CDC14A: variants seen among roughly 807,000 people sequenced by gnomAD.
CDC14A encodes dual specificity protein phosphatase CDC14A.
In CDC14A, 53 loss-of-function variants were observed where a neutral mutation model predicts 74.4. The ratio of observed to expected loss-of-function variants is 0.71; its 90% CI spans 0.57 to 0.89. The LOEUF (loss-of-function observed/expected upper bound fraction) is 0.89. Among genes scored for constraint, CDC14A ranks in the 40% least tolerant of loss-of-function variants. The pLI, the probability that CDC14A is intolerant of heterozygous loss-of-function variation, is 0.00. For missense variants in CDC14A, 646 were observed against 713.7 expected, an observed-to-expected ratio of 0.91 and a Z score of 1.08; for synonymous variants, 247 against 258.4, an observed-to-expected ratio of 0.96 and a Z score of 0.43.
At chr1:100,465,630 A>G (rs562236852) in intron 9 of CDC14A, among the ~76,000 whole-genome samples, 6 of 152,366 alleles carry the variant, frequency 3.9e-5, no homozygotes, top group African/African-American at 1.4e-4. Context: ...AAGGGAATGA[A>G]TATGTCATGC....
In CDC14A at chr1:100,352,854, GAC is replaced by G; in HGVS notation, c.-100_-99del. 6.3e-7 allele frequency: 1 copy of G among 1,591,836 alleles called. No homozygotes were observed. Among genetic ancestry groups the G allele is most frequent in the East Asian group, 2.3e-5 (1 of 44,122 alleles). ...TCCCTCGGCCAGGCTTGTTGTTCGG[GAC>G]TGTGAGCTTCCTGGCTCCTGGGCAG... On this transcript the variant is annotated 5_prime_UTR_variant, in exon 1 of 16. The change abolishes the stop of an existing upstream ORF in the 5' untranslated region. Transcript: ENST00000336454.
rs146294547 is a variant in CDC14A, at chr1:100,423,530, T to C, written c.310-692T>C. On this transcript the variant is annotated intron_variant, in intron 4 of 15. Transcript: ENST00000336454. ...AGGGAGGTGCCAGTACCTGATACAGTGCCTGGCATATACTATATACTCAGT... is the reference window on the plus strand; with the variant it reads ...AGGGAGGTGCCAGTACCTGATACAGCGCCTGGCATATACTATATACTCAGT... Among the ~76,000 whole-genome samples the C allele has an allele frequency of 3.1e-3, 470 of 152,310 alleles. 4 individuals carry two copies. Among genetic ancestry groups the C allele is most frequent in the African/African-American group, 0.011 (443 of 41,564 alleles).
chr1:100,406,914 G>A (rs1387054962), intron 4 of CDC14A, among the ~76,000 whole-genome samples: 4 of 148,746 alleles, frequency 2.7e-5, no homozygotes, highest in South Asian at 4.2e-4. Context: ...CAACAAGAGC[G>A]AAACTCTGTC....
At chr1:100,511,001 A>G (rs1191511660) in intron 15 of CDC14A, among the ~76,000 whole-genome samples, 1 of 152,214 alleles carries the variant, frequency 6.6e-6, no homozygotes, top group Non-Finnish European at 1.5e-5. Flanking sequence ...CTCAAAGTTT[A>G]TCTGCATCTG....
At position 100,398,939 on chromosome 1, in the gene CDC14A, C is replaced by A. The variant is rs771627664; in HGVS notation, c.309+8115C>A. On this transcript the variant is annotated intron_variant, in intron 4 of 15. Coordinates refer to ENST00000336454, the MANE Select transcript of CDC14A (RefSeq NM_003672.4). ...GGAGAATAGCATGAAGGTGATGATG[C>A]TTTTTCTGGTGGTAGGGGAGTGAAG... Among the ~76,000 whole-genome samples the A allele has an allele frequency of 6.5e-4, 99 of 151,954 alleles. 1 individual carries two copies. Among genetic ancestry groups the A allele is most frequent in the Non-Finnish European group, 2.2e-4 (15 of 68,002 alleles).
At chr1:100,504,775 C>T in intron 15 of CDC14A, 1 of 1,443,566 alleles carries the variant, frequency 6.9e-7, no homozygotes, top group Non-Finnish European at 9.4e-7. Context: ...TTTGCACCAG[C>T]ATTTACCTTG....
rs1651265751 is a variant in CDC14A at position 100,352,843 on chromosome 1, T to G, written c.-112T>G. The G allele has an allele frequency of 1.2e-5, 19 of 1,550,846 alleles. No individual in the cohort carries two copies. Among genetic ancestry groups the G allele is most frequent in the Non-Finnish European group, 1.6e-5 (18 of 1,152,118 alleles). ...CGCCTGCTGCCTCCCTCGGCCAGGC[T>G]TGTTGTTCGGGACTGTGAGCTTCCT... On this transcript the variant is annotated 5_prime_UTR_variant, in exon 1 of 16. Coordinates refer to ENST00000336454, the MANE Select transcript of CDC14A (RefSeq NM_003672.4).
At chr1:100,481,338 T>C (rs1010142233) in intron 10 of CDC14A, among the ~76,000 whole-genome samples, 6 of 151,806 alleles carry the variant, frequency 4.0e-5, no homozygotes, top group Non-Finnish European at 5.9e-5. Flanking sequence ...AGATAAAGAG[T>C]TCGGTTGGTG....
intron 10 of CDC14A, 64 bp from the exon 11 acceptor site, chr1:100,484,228 G>A: frequency 2.2e-6 from 2 of 906,622 alleles, no homozygotes; most frequent in South Asian, 2.2e-5. Flanking sequence ...CCTTTGAGAT[G>A]AGAGTAGATT....
intron 4 of CDC14A, among the ~76,000 whole-genome samples, chr1:100,404,792 T>C (rs1451095286): frequency 6.6e-6 from 1 of 152,016 alleles, no homozygotes; most frequent in Non-Finnish European, 1.5e-5. Flanking sequence ...ATTGAGCCAC[T>C]GCACTCCAGC....
At chr1:100,374,489 A>G (rs1176708163) in intron 2 of CDC14A, among the ~76,000 whole-genome samples, 2 of 152,158 alleles carry the variant, frequency 1.3e-5, no homozygotes, top group Non-Finnish European at 2.9e-5. Flanking sequence ...CTTTTTAATG[A>G]TCGCCATTCT....
At chr1:100,441,004 C>T (rs559298130) in intron 6 of CDC14A, among the ~76,000 whole-genome samples, 1 of 152,202 alleles carries the variant, frequency 6.6e-6, no homozygotes, top group South Asian at 2.1e-4. Flanking sequence ...TCTATGGAGA[C>T]GTTACCCAAC....
chr1:100,372,146 T>G (rs1246791280), intron 2 of CDC14A, among the ~76,000 whole-genome samples: 1 of 152,250 alleles, frequency 6.6e-6, no homozygotes, highest in East Asian at 1.9e-4. Flanking sequence ...AATACTTTAT[T>G]GCTAAAAAAT....
At position 100,412,724 on chromosome 1, in the gene CDC14A, T is replaced by TTTATATATATA. The variant is rs1660958133; in HGVS notation, c.310-11496_310-11486dup. Among the ~76,000 whole-genome samples the TTTATATATATA allele has an allele frequency of 5.3e-5, 4 of 75,344 alleles. No individual in the cohort carries two copies. The African/African-American group carries it at 5.3e-4, about 10-fold the overall frequency. The allele number at this position is 75,344 out of a possible 152,430, so 49.4% of individuals were successfully genotyped here. On this transcript the variant is annotated intron_variant, in intron 4 of 15. Transcript: ENST00000336454. ...TATATATATATATATATATATATAT[T>TTTATATATATA]TTATATATATATATTTTATATATAT... is the stretch of plus-strand genomic sequence containing the variant.
At chr1:100,414,751 A>G (rs78573471) in intron 4 of CDC14A, among the ~76,000 whole-genome samples, 2 of 152,262 alleles carry the variant, frequency 1.3e-5, no homozygotes, top group East Asian at 1.9e-4. Context: ...TGAATGATAA[A>G]TGTTCTACAG....
chr1:100,346,482 A>G (rs1407140006), intron 1 of CDC14A, among the ~76,000 whole-genome samples: 1 of 152,060 alleles, frequency 6.6e-6, no homozygotes, highest in African/African-American at 2.4e-5. Flanking sequence ...AAATTAAACA[A>G]TTAGCCAAAT....
chr1:100,456,437 C>T (rs538912196), intron 8 of CDC14A, among the ~76,000 whole-genome samples: 325 of 150,844 alleles, frequency 2.2e-3, no homozygotes, highest in Non-Finnish European at 3.1e-3. Context: ...ATCCCCCCCC[C>T]TTTTTTTTTC....
chr1:100,443,761 C>G (rs1665220359), intron 7 of CDC14A, among the ~76,000 whole-genome samples: 1 of 152,098 alleles, frequency 6.6e-6, no homozygotes, highest in Non-Finnish European at 1.5e-5. Context: ...AATGTCTTGA[C>G]TGCTCAAAAT....
In CDC14A at chr1:100,499,169, C is replaced by T. The variant is rs762938689; in HGVS notation, c.1662C>T (p.His554=). The change falls in exon 15 of 16, where the codon CAC becomes CAT. Residue 554 remains histidine (H), a synonymous_variant. Coordinates refer to ENST00000336454, the MANE Select transcript of CDC14A (RefSeq NM_003672.4). ...ACCTGAACAGCCCCCCAGGCCCCCA[C>T]AGCGCCAAGACAGAGGAGCACACCA... The part of the protein sequence containing the change: ...GGNLNSPPGP[H]SAKTEEHTTI... The T allele has an allele frequency of 2.5e-6, 4 of 1,614,154 alleles. No individual in the cohort carries two copies. In the Admixed American group the frequency reaches 5.0e-5, roughly 20 times the overall value.
Sources: allele counts gnomAD v4.1 joint callset (sites outside exome capture counted in the v4.1 genomes callset), GRCh38; gene constraint gnomAD v4.1.1; transcripts MANE v1.5; gene names NCBI Gene and HGNC (gene_info 2026-07-23, HGNC 2026-07-21).